Variants in OR8A1 observed in about 807,000 individuals in gnomAD.
OR8A1 encodes the protein olfactory receptor 8A1.
In OR8A1, 5 loss-of-function variants were observed where a neutral mutation model predicts 13.4. That is an observed-to-expected ratio of 0.37 (90% CI 0.19 to 0.78). The LOEUF (loss-of-function observed/expected upper bound fraction) is 0.78. Ranked by LOEUF, OR8A1 falls within the 30% of genes least tolerant of loss-of-function variation. OR8A1 has a pLI of 0.47. For synonymous variants in OR8A1, 156 were observed against 150.4 expected, an observed-to-expected ratio of 1.04 and a Z score of -0.27; for missense variants, 354 against 374.8, an observed-to-expected ratio of 0.94 and a Z score of 0.46.
Position 124,570,080 on chromosome 11 carries a change from G to C in OR8A1, c.-40G>C, listed in dbSNP as rs779771873. 6.2e-7 allele frequency: 1 copy of C among 1,610,240 alleles called. No homozygotes were observed. Among genetic ancestry groups the C allele is most frequent in the South Asian group, 1.1e-5 (1 of 90,512 alleles). On this transcript the variant is annotated 5_prime_UTR_variant, in exon 1 of 1. Coordinates refer to ENST00000284287, the MANE Select transcript of OR8A1 (RefSeq NM_001005194.2). Reference sequence around the variant, plus strand: ...AGATTAGCCTTTTAATGGGGTTCTTGTCTCCCATGCATCCCTGCAGGCCTC... The same window carrying C: ...AGATTAGCCTTTTAATGGGGTTCTTCTCTCCCATGCATCCCTGCAGGCCTC...
At position 124,570,110 on chromosome 11, in the gene OR8A1, C is replaced by A. The variant is rs772991034; in HGVS notation, c.-10C>A. The A allele has an allele frequency of 1.2e-6, 2 of 1,613,850 alleles. No individual in the cohort carries two copies. The highest frequency in any genetic ancestry group is 1.7e-5 in the Admixed American group (1 of 59,978). Reference sequence around the variant, plus strand: ...CCATGCATCCCTGCAGGCCTCCCACCCAGAGGAGAATGGCTGCAGGAAATC... The same window carrying A: ...CCATGCATCCCTGCAGGCCTCCCACACAGAGGAGAATGGCTGCAGGAAATC... On this transcript the variant is annotated 5_prime_UTR_variant, in exon 1 of 1. Coordinates refer to ENST00000284287, the MANE Select transcript of OR8A1 (RefSeq NM_001005194.2).
Position 124,570,446 on chromosome 11 carries a change from T to C in OR8A1, c.327T>C (p.Ile109=), listed in dbSNP as rs1379626146. The C allele has an allele frequency of 1.2e-6, 2 of 1,614,008 alleles. No individual in the cohort carries two copies. Among genetic ancestry groups the C allele is most frequent in the Non-Finnish European group, 1.7e-6 (2 of 1,180,028 alleles). The change falls in exon 1 of 1, where the codon ATT becomes ATC. Residue 109 remains isoleucine, a synonymous_variant. Coordinates refer to ENST00000284287, the MANE Select transcript of OR8A1 (RefSeq NM_001005194.2). The part of the protein sequence containing the change: ...SQLYFFLVFV[I]AECYMLTVMA... ...TCTACTTCTTCCTTGTTTTTGTCAT[T>C]GCTGAGTGTTACATGCTGACAGTGA...
rs1316430498 is a variant in OR8A1, at chr11:124,570,713, C to T, written c.594C>T (p.Val198=). ...CSSTYDVEMT[V]FFSAGFNIIV... is the part of the protein sequence containing the mutation. ...GCACCTATGATGTTGAGATGACAGT[C>T]TTCTTTTCGGCTGGATTCAACATCA... Residue 198 remains valine (V), a synonymous_variant, in exon 1 of 1, where the codon GTC becomes GTT. Coordinates refer to ENST00000284287, the MANE Select transcript of OR8A1 (RefSeq NM_001005194.2). 6.2e-7 allele frequency: 1 copy of T among 1,614,056 alleles called. No homozygotes were observed. The highest frequency in any genetic ancestry group is 8.5e-7 in the Non-Finnish European group (1 of 1,180,004).
chr11:124,570,992 G>A lies in OR8A1; in HGVS notation c.873G>A (p.Leu291=). 6.2e-7 allele frequency: 1 copy of A among 1,614,002 alleles called. No individual in the cohort carries two copies. The highest frequency in any genetic ancestry group is 1.3e-5 in the African/African-American group (1 of 75,042). Residue 291 remains leucine, a synonymous_variant, in exon 1 of 1, where the codon CTG becomes CTA. Coordinates refer to ENST00000284287, the MANE Select transcript of OR8A1 (RefSeq NM_001005194.2). ...IPMLNPLIYS[L]RNKEVKAAVQ... is the part of the protein sequence containing the mutation. ...TGTTGAATCCCCTAATCTACAGCCT[G>A]AGGAACAAGGAAGTAAAGGCTGCCG...
chr11:124,570,589 C>T lies in OR8A1; in HGVS notation c.470C>T (p.Thr157Ile), dbSNP rs1158623851. The T allele has an allele frequency of 5.6e-6, 9 of 1,614,078 alleles. No homozygotes were observed. In the South Asian group the frequency reaches 8.8e-5, roughly 16 times the overall value. ...TACGCCATCGGACTCATTGGCTCCA[C>T]AATAGAAACTGGCCTCATGTTAAAA... The part of the protein sequence containing the change: ...VVYAIGLIGS[T>I]IETGLMLKLP... Residue 157 changes from threonine (T) to isoleucine (I), a missense_variant, in exon 1 of 1, where the codon ACA (threonine) becomes ATA (isoleucine). By Grantham distance (89) the Thr-to-Ile change is moderately conservative. Transcript: ENST00000284287.
chr11:124,570,922 C>T lies in OR8A1; in HGVS notation c.803C>T (p.Thr268Ile). The T allele has an allele frequency of 1.9e-6, 3 of 1,614,040 alleles. No homozygotes were observed. The highest frequency in any genetic ancestry group is 2.5e-6 in the Non-Finnish European group (3 of 1,179,970). Residue 268 changes from threonine to isoleucine, a missense_variant, in exon 1 of 1, where the codon ACC becomes ATC. Physicochemically the swap from Thr to Ile is moderately conservative, Grantham distance 89 (BLOSUM62 -1). Transcript: ENST00000284287. ...AAACCCTCCACAATCAGTTCCTTGACCCAGGAGAATGTGGCCTCTGTGTTC... is the reference window on the plus strand; with the variant it reads ...AAACCCTCCACAATCAGTTCCTTGATCCAGGAGAATGTGGCCTCTGTGTTC... ...YLKPSTISSL[T>I]QENVASVFYT...
rs111805939 is a variant in OR8A1 at position 124,570,944 on chromosome 11, G to A, written c.825G>A (p.Val275=). The A allele has an allele frequency of 4.0e-5, 64 of 1,614,030 alleles. 2 individuals are homozygous for A. The African/African-American group carries it at 4.5e-4, about 11-fold the overall frequency. The change falls in exon 1 of 1, where the codon GTG becomes GTA. Residue 275 remains valine (V), a synonymous_variant. Transcript: ENST00000284287. The part of the protein sequence containing the change: ...SSLTQENVAS[V]FYTTVIPMLN... Reference sequence around the variant, plus strand: ...TGACCCAGGAGAATGTGGCCTCTGTGTTCTACACCACGGTAATCCCCATGT... The same window carrying A: ...TGACCCAGGAGAATGTGGCCTCTGTATTCTACACCACGGTAATCCCCATGT...
chr11:124,570,093 C>T lies in OR8A1; in HGVS notation c.-27C>T. On this transcript the variant is annotated 5_prime_UTR_variant, in exon 1 of 1. Coordinates refer to ENST00000284287, the MANE Select transcript of OR8A1 (RefSeq NM_001005194.2). ...AATGGGGTTCTTGTCTCCCATGCAT[C>T]CCTGCAGGCCTCCCACCCAGAGGAG... 2.5e-6 allele frequency: 4 copies of T among 1,613,052 alleles called. No homozygotes were observed. Among genetic ancestry groups the T allele is most frequent in the Non-Finnish European group, 3.4e-6 (4 of 1,179,496 alleles).
chr11:124,571,274 T>C lies in OR8A1; in HGVS notation c.*225T>C, dbSNP rs370485127. The C allele has an allele frequency of 3.2e-4, 162 of 506,556 alleles. No individual in the cohort carries two copies. The highest frequency in any genetic ancestry group is 2.8e-3 in the African/African-American group (145 of 51,696). 31.4% of individuals were successfully genotyped at this position (506,556 alleles called of 1,614,324 possible). On this transcript the variant is annotated 3_prime_UTR_variant, in exon 1 of 1. Transcript: ENST00000284287. ...TTCCTTCCCTCCCTCTTTTTTCACTTCTCTTTGAAGCCAGCCAACTTCAGG... is the reference window on the plus strand; with the variant it reads ...TTCCTTCCCTCCCTCTTTTTTCACTCCTCTTTGAAGCCAGCCAACTTCAGG...
At position 124,570,917 on chromosome 11, in the gene OR8A1, C is replaced by T. The variant is rs868151316; in HGVS notation, c.798C>T (p.Ser266=). The change falls in exon 1 of 1, where the codon TCC becomes TCT. Residue 266 remains serine, a synonymous_variant. Transcript: ENST00000284287. ...FMYLKPSTIS[S]LTQENVASVF... is the part of the protein sequence containing the mutation. ...ACTTAAAACCCTCCACAATCAGTTC[C>T]TTGACCCAGGAGAATGTGGCCTCTG... 6 of 1,614,114 alleles carry T rather than the reference C, an allele frequency of 3.7e-6. No homozygotes were observed. The highest frequency in any genetic ancestry group is 1.7e-5 in the Admixed American group (1 of 60,004).
chr11:124,570,542 C>G lies in OR8A1; in HGVS notation c.423C>G (p.Cys141Trp). 1 of 1,614,116 alleles carries G rather than the reference C, an allele frequency of 6.2e-7. No individual in the cohort carries two copies. The highest frequency in any genetic ancestry group is 8.5e-7 in the Non-Finnish European group (1 of 1,180,020). Reference sequence around the variant, plus strand: ...ACATCATTATGTCTCATCACACCTGCCTGCTGCTGGTGGCTGTGGTCTACG... The same window carrying G: ...ACATCATTATGTCTCATCACACCTGGCTGCTGCTGGTGGCTGTGGTCTACG... Reference protein sequence around the residue: ...LYNIIMSHHTCLLLVAVVYAI... With the variant: ...LYNIIMSHHTWLLLVAVVYAI... Residue 141 changes from cysteine (C) to tryptophan (W), a missense_variant, in exon 1 of 1, where the codon TGC becomes TGG. Physicochemically the swap from Cys to Trp is radical, Grantham distance 215. Transcript: ENST00000284287.
In OR8A1 at chr11:124,570,941, T is replaced by C; in HGVS notation, c.822T>C (p.Ser274=). The C allele has an allele frequency of 6.2e-7, 1 of 1,614,082 alleles. No homozygotes were observed. The highest frequency in any genetic ancestry group is 8.5e-7 in the Non-Finnish European group (1 of 1,179,988). Reference sequence around the variant, plus strand: ...CCTTGACCCAGGAGAATGTGGCCTCTGTGTTCTACACCACGGTAATCCCCA... The same window carrying C: ...CCTTGACCCAGGAGAATGTGGCCTCCGTGTTCTACACCACGGTAATCCCCA... ...ISSLTQENVA[S]VFYTTVIPML... Residue 274 remains serine (S), a synonymous_variant, in exon 1 of 1, where the codon TCT becomes TCC. Transcript: ENST00000284287.
chr11:124,570,178 G>A lies in OR8A1; in HGVS notation c.59G>A (p.Arg20Lys), dbSNP rs543624391. Residue 20 changes from arginine (R) to lysine (K), a missense_variant, in exon 1 of 1, where the codon AGA becomes AAA. Physicochemically the swap from Arg to Lys is conservative, Grantham distance 26 (BLOSUM62 2). Transcript: ENST00000284287. ...TTCATTCTCAAGGGTTTAACGAAGA[G>A]AGCAGACCTCCAGCTCCCCCTCTTT... ...TEFILKGLTK[R>K]ADLQLPLFLL... 2.8e-5 allele frequency: 45 copies of A among 1,614,010 alleles called. No individual in the cohort carries two copies. In the East Asian group the frequency reaches 7.6e-4, roughly 27 times the overall value.
chr11:124,571,182 C>A lies in OR8A1; in HGVS notation c.*133C>A. ...ATGGCTGGGTGAATGGGCATTTTTCCTTCTTTCCTCTTCCTTCCCTCTTCC... is the reference window on the plus strand; with the variant it reads ...ATGGCTGGGTGAATGGGCATTTTTCATTCTTTCCTCTTCCTTCCCTCTTCC... On this transcript the variant is annotated 3_prime_UTR_variant, in exon 1 of 1. Coordinates refer to ENST00000284287, the MANE Select transcript of OR8A1 (RefSeq NM_001005194.2). The A allele has an allele frequency of 2.8e-6, 2 of 726,826 alleles. No individual in the cohort carries two copies. The highest frequency in any genetic ancestry group is 1.8e-5 in the African/African-American group (1 of 56,090). 45.0% of individuals were successfully genotyped at this position (726,826 alleles called of 1,614,324 possible). A position where few individuals can be genotyped will look rare whatever the true frequency, so the allele number is the denominator to read the frequency against.
At position 124,571,011 on chromosome 11, in the gene OR8A1, G is replaced by T; in HGVS notation, c.892G>T (p.Ala298Ser). The change falls in exon 1 of 1, where the codon GCT (alanine) becomes TCT (serine). Residue 298 changes from alanine to serine, a missense_variant. Ala to Ser is a moderately conservative substitution (Grantham distance 99). Transcript: ENST00000284287. Reference protein sequence around the residue: ...IYSLRNKEVKAAVQKTLRGKL... With the variant: ...IYSLRNKEVKSAVQKTLRGKL... ...CAGCCTGAGGAACAAGGAAGTAAAG[G>T]CTGCCGTGCAGAAAACGCTGAGGGG... 6.2e-7 allele frequency: 1 copy of T among 1,613,420 alleles called. No individual in the cohort carries two copies. Among genetic ancestry groups the T allele is most frequent in the Non-Finnish European group, 8.5e-7 (1 of 1,179,742 alleles).
chr11:124,570,510 C>G lies in OR8A1; in HGVS notation c.391C>G (p.Leu131Val). Residue 131 changes from leucine to valine, a missense_variant, in exon 1 of 1, where the codon CTT (leucine) becomes GTT (valine). Physicochemically the swap from Leu to Val is conservative, Grantham distance 32. Transcript: ENST00000284287. Reference protein sequence around the residue: ...DRYVAICHPLLYNIIMSHHTC... With the variant: ...DRYVAICHPLVYNIIMSHHTC... ...CTATGTTGCCATCTGCCACCCTTTG[C>G]TTTACAACATCATTATGTCTCATCA... The G allele has an allele frequency of 6.2e-7, 1 of 1,614,114 alleles. No individual in the cohort carries two copies. The highest frequency in any genetic ancestry group is 8.5e-7 in the Non-Finnish European group (1 of 1,180,020).
rs1490530621 is a variant in OR8A1 at position 124,570,800 on chromosome 11, C to G, written c.681C>G (p.Ile227Met). 1 of 1,614,022 alleles carries G rather than the reference C, an allele frequency of 6.2e-7. No individual in the cohort carries two copies. The highest frequency in any genetic ancestry group is 8.5e-7 in the Non-Finnish European group (1 of 1,180,018). The change falls in exon 1 of 1, where the codon ATC becomes ATG. Residue 227 changes from isoleucine to methionine, a missense_variant. Coordinates refer to ENST00000284287, the MANE Select transcript of OR8A1 (RefSeq NM_001005194.2). ...YTFILSSILG[I>M]STTEGRSKAF... ...TCATTCTCTCCAGCATCCTCGGCATCAGCACCACAGAGGGGAGATCCAAAG... is the reference window on the plus strand; with the variant it reads ...TCATTCTCTCCAGCATCCTCGGCATGAGCACCACAGAGGGGAGATCCAAAG...
At position 124,571,100 on chromosome 11, in the gene OR8A1, A is replaced by T; in HGVS notation, c.*51A>T. ...TTTAGTGGTAATTGTTATAAATACC[A>T]GAGTGACAGCTTCTGAATGCTGGCC... On this transcript the variant is annotated 3_prime_UTR_variant, in exon 1 of 1. Coordinates refer to ENST00000284287, the MANE Select transcript of OR8A1 (RefSeq NM_001005194.2). 1 of 1,524,134 alleles carries T rather than the reference A, an allele frequency of 6.6e-7. No homozygotes were observed. Among genetic ancestry groups the T allele is most frequent in the Middle Eastern group, 1.8e-4 (1 of 5,698 alleles). The allele number at this position is 1,524,134 out of a possible 1,614,324, so 94.4% of individuals were successfully genotyped here.
rs372897674 is a variant in OR8A1 at position 124,570,562 on chromosome 11, T to A, written c.443T>A (p.Val148Asp). ...HHTCLLLVAV[V>D]YAIGLIGSTI... is the part of the protein sequence containing the mutation. ...ACCTGCCTGCTGCTGGTGGCTGTGG[T>A]CTACGCCATCGGACTCATTGGCTCC... is the stretch of plus-strand genomic sequence containing the variant. Residue 148 changes from valine to aspartate, a missense_variant, in exon 1 of 1, where the codon GTC becomes GAC. Physicochemically the swap from Val to Asp is radical, Grantham distance 152. Transcript: ENST00000284287. 2 of 1,614,102 alleles carry A rather than the reference T, an allele frequency of 1.2e-6. No homozygotes were observed. The highest frequency in any genetic ancestry group is 2.2e-5 in the East Asian group (1 of 44,870).
Sources: gnomAD v4.1 joint callset for allele counts on GRCh38, gnomAD v4.1.1 for gene constraint, MANE v1.5 for transcripts, NCBI Gene and HGNC (gene_info 2026-07-23, HGNC 2026-07-21) for gene names.